STAC: variants seen among roughly 807,000 people sequenced by gnomAD.
STAC encodes SH3 and cysteine-rich domain-containing protein.
In STAC, 43 loss-of-function variants were observed where a neutral mutation model predicts 48.8. That is an observed-to-expected ratio of 0.88 (90% confidence interval 0.69 to 1.14). STAC has a LOEUF of 1.14. Among genes scored for constraint, STAC ranks in the 50% most tolerant of loss-of-function variants. STAC has a pLI of 0.00. For synonymous variants in STAC, 193 were observed against 179.5 expected, an observed-to-expected ratio of 1.07 and a Z score of -0.60; for missense variants, 497 against 504.0, an observed-to-expected ratio of 0.99 and a Z score of 0.13.
At chr3:36,468,593 CATATATTTATAT>C (rs1361962366) in intron 2 of STAC, among the ~76,000 whole-genome samples, 1 of 148,810 alleles carries the variant, frequency 6.7e-6, no homozygotes, top group Non-Finnish European at 1.5e-5. Context: ...GTTAGGTGCA[CATATATTTATAT>C]ATATATTTAT....
At chr3:36,455,760 G>GGTGTGT (rs71085125) in intron 2 of STAC, among the ~76,000 whole-genome samples, 2,592 of 149,246 alleles carry the variant, frequency 0.017, 75 homozygotes, top group African/African-American at 0.06. Flanking sequence ...GAAACAGGCA[G>GGTGTGT]GTGTGTGTGT....
chr3:36,443,680 C>G lies in STAC; in HGVS notation c.388+40C>G, dbSNP rs747123119. On this transcript the variant is annotated intron_variant, in intron 2 of 10. Coordinates refer to ENST00000273183, the MANE Select transcript of STAC (RefSeq NM_003149.3). This position sits in a 1 kb window ranked among gnomAD's most constrained non-coding sequence, Gnocchi z 4.2. ...CCCTTTCTCCAGATCCCAGCACCCC[C>G]GGAAAGCTGAGTGAGAGTGGTGTGC... is the stretch of plus-strand genomic sequence containing the variant. 6.3e-7 allele frequency: 1 copy of G among 1,595,550 alleles called. No homozygotes were observed. The highest frequency in any genetic ancestry group is 1.3e-5 in the African/African-American group (1 of 74,912).
intron 2 of STAC, among the ~76,000 whole-genome samples, chr3:36,457,170 T>A (rs2125680619): frequency 6.6e-6 from 1 of 152,274 alleles, no homozygotes; most frequent in African/African-American, 2.4e-5. Flanking sequence ...GTGCCACAGG[T>A]GATCATCAGC....
chr3:36,490,391 A>C (rs1228861743), intron 5 of STAC, among the ~76,000 whole-genome samples: 4 of 152,184 alleles, frequency 2.6e-5, no homozygotes, highest in Admixed American at 1.3e-4. Context: ...CCACCCAGCA[A>C]TCAAAGGAAA....
intron 2 of STAC, among the ~76,000 whole-genome samples, chr3:36,453,625 G>GAGGAGGCT (rs1559497723): frequency 9.4e-6 from 1 of 106,112 alleles, no homozygotes; most frequent in East Asian, 2.6e-4. Context: ...CCTCCCTGAC[G>GAGGAGGCT]AGCGCCGCCC....
chr3:36,430,687 T>G (rs1036683735), intron 1 of STAC, among the ~76,000 whole-genome samples: 1 of 152,178 alleles, frequency 6.6e-6, no homozygotes, highest in Non-Finnish European at 1.5e-5. Flanking sequence ...ACAGACTGGG[T>G]GGCATAAACA....
At chr3:36,546,041 T>G (rs1699435950) in intron 10 of STAC, 150 bp from the exon 11 acceptor site, 1 of 620,006 alleles carries the variant, frequency 1.6e-6, no homozygotes, top group Non-Finnish European at 2.8e-6. Flanking sequence ...AACCTTTTTC[T>G]CACTGTGCTG....
At chr3:36,381,751 A>T (rs1699514296) in intron 1 of STAC, among the ~76,000 whole-genome samples, 1 of 152,230 alleles carries the variant, frequency 6.6e-6, no homozygotes, top group Non-Finnish European at 1.5e-5. Flanking sequence ...CAGGAGGATG[A>T]AAATCACAGC....
chr3:36,406,153 C>T (rs1019579264), intron 1 of STAC, among the ~76,000 whole-genome samples: 3 of 152,344 alleles, frequency 2.0e-5, no homozygotes, highest in East Asian at 1.9e-4. Flanking sequence ...CCTCAGCCCC[C>T]TCCCCACCCA....
intron 8 of STAC, among the ~76,000 whole-genome samples, chr3:36,523,140 A>G (rs1386912149): frequency 6.6e-6 from 1 of 152,216 alleles, no homozygotes; most frequent in African/African-American, 2.4e-5. Flanking sequence ...CACACACTCA[A>G]AATTAAACCC....
At position 36,484,967 on chromosome 3, in the gene STAC, C is replaced by G. The variant is rs371786551; in HGVS notation, c.490-10C>G. The G allele has an allele frequency of 3.3e-5, 53 of 1,587,810 alleles. No homozygotes were observed. In the Admixed American group the frequency reaches 4.2e-4, roughly 13 times the overall value. On this transcript the variant is annotated splice_polypyrimidine_tract_variant and intron_variant, in intron 3 of 10. Coordinates refer to ENST00000273183, the MANE Select transcript of STAC (RefSeq NM_003149.3). ...ACATTAACCCCTTGCCTTCCTCATT[C>G]TCTCTCCAGCCAAAGGGGTTTCGGC...
intron 8 of STAC, among the ~76,000 whole-genome samples, chr3:36,519,048 G>T (rs979210080): frequency 6.6e-6 from 1 of 152,164 alleles, no homozygotes; most frequent in African/African-American, 2.4e-5. Context: ...AGGAAGAGGG[G>T]TCATGGGTGG....
At chr3:36,495,406 C>A (rs555089756) in intron 6 of STAC, among the ~76,000 whole-genome samples, 2 of 152,330 alleles carry the variant, frequency 1.3e-5, no homozygotes, top group African/African-American at 4.8e-5. Flanking sequence ...CACATTCAGA[C>A]TGGCTCTTCC....
At chr3:36,537,100 G>T (rs1216220070) in intron 10 of STAC, among the ~76,000 whole-genome samples, 2 of 152,156 alleles carry the variant, frequency 1.3e-5, no homozygotes, top group Non-Finnish European at 2.9e-5. Context: ...CTGTTGGTGG[G>T]AATGTAAATT....
At position 36,546,140 on chromosome 3, in the gene STAC, C is replaced by T. The variant is rs368172096; in HGVS notation, c.1111-51C>T. 2.8e-5 allele frequency: 43 copies of T among 1,509,960 alleles called. 1 individual carries two copies. In the African/African-American group the frequency reaches 3.6e-4, roughly 13 times the overall value. The allele number at this position is 1,509,960 out of a possible 1,614,324, so 93.5% of individuals were successfully genotyped here. On this transcript the variant is annotated intron_variant, in intron 10 of 10. Coordinates refer to ENST00000273183, the MANE Select transcript of STAC (RefSeq NM_003149.3). ...GGATTCAAGCTGCAGGTTCTAACTT[C>T]GTTCTTGCTGACAGTAAAGTATTTT...
In STAC at chr3:36,438,849, G is replaced by A. The variant is rs74717588; in HGVS notation, c.112-4515G>A. ...TTGGATGTGTGTAAGCATCCTCCCC[G>A]TCACTTTCCCTGTCCTGGCAGCAGA... On this transcript the variant is annotated intron_variant, in intron 1 of 10. Transcript: ENST00000273183. Among the ~76,000 whole-genome samples, 940 of 152,252 alleles carry A rather than the reference G, an allele frequency of 6.2e-3. 11 individuals carry two copies. The highest frequency in any genetic ancestry group is 0.021 in the African/African-American group (866 of 41,540).
chr3:36,474,105 G>T (rs1697424007), intron 2 of STAC, among the ~76,000 whole-genome samples: 1 of 152,132 alleles, frequency 6.6e-6, no homozygotes, highest in African/African-American at 2.4e-5. Context: ...TATATAGTGG[G>T]CTGTAGAACC....
intron 1 of STAC, among the ~76,000 whole-genome samples, chr3:36,408,298 C>T (rs73059918): frequency 0.023 from 3,540 of 152,246 alleles, 61 homozygotes; most frequent in East Asian, 0.026. Context: ...TGTCTTCTTC[C>T]TCCTCTTCTT....
Position 36,516,744 on chromosome 3 carries a change from T to G in STAC, c.920+10910T>G, listed in dbSNP as rs75760415. Among the ~76,000 whole-genome samples the G allele has an allele frequency of 7.2e-3, 1,095 of 152,302 alleles. 19 individuals carry two copies. The highest frequency in any genetic ancestry group is 0.024 in the African/African-American group (978 of 41,564). ...GTCAATTTTAGCAAACTGTTTAATC[T>G]TTTAGAGCCTCAGTTTTCTCCTTCC... On this transcript the variant is annotated intron_variant, in intron 8 of 10. Coordinates refer to ENST00000273183, the MANE Select transcript of STAC (RefSeq NM_003149.3).
Sources: gnomAD v4.1 joint callset for allele counts (sites outside exome capture counted in the v4.1 genomes callset) on GRCh38, gnomAD v4.1.1 for gene constraint, Gnocchi (gnomAD v3.1) non-coding constraint, MANE v1.5 for transcripts, NCBI Gene and HGNC (gene_info 2026-07-23, HGNC 2026-07-21) for gene names.